ITGA1: variants seen among roughly 807,000 people sequenced by gnomAD.
ITGA1 encodes integrin alpha-1.
A neutral mutation model predicts 145.9 loss-of-function variants in ITGA1; 85 were observed. The ratio of observed to expected loss-of-function variants is 0.58; its 90% CI spans 0.49 to 0.70. The LOEUF (loss-of-function observed/expected upper bound fraction) is 0.70. Ranked by LOEUF, ITGA1 falls within the 30% of genes least tolerant of loss-of-function variation. The pLI, the probability that ITGA1 is intolerant of heterozygous loss-of-function variation, is 0.00. For missense variants in ITGA1, 1,351 were observed against 1,418.7 expected (o/e 0.95, Z 0.77); for synonymous variants, 520 against 495.3 (o/e 1.05, Z -0.66).
intron 1 of ITGA1, among the ~76,000 whole-genome samples, chr5:52,828,356 G>T (rs963934055): frequency 6.6e-6 from 1 of 152,052 alleles, no homozygotes; most frequent in Non-Finnish European, 1.5e-5. Context: ...CATTCTACTG[G>T]CTGTGAAGTG....
intron 14 of ITGA1, among the ~76,000 whole-genome samples, chr5:52,914,609 G>A (rs942767108): frequency 5.8e-5 from 8 of 136,970 alleles, no homozygotes; most frequent in Non-Finnish European, 3.3e-5. Context: ...AAAAAAAAAA[G>A]GGGGGGAAAT....
chr5:52,909,021 T>A lies in ITGA1; in HGVS notation c.1579T>A (p.Tyr527Asn). 1 of 1,613,778 alleles carries A rather than the reference T, an allele frequency of 6.2e-7. No individual in the cohort carries two copies. The highest frequency in any genetic ancestry group is 8.5e-7 in the Non-Finnish European group (1 of 1,179,802). ...AGAGAAGGAGGAGCAAGGAAAAGTG[T>A]ATGTGTATGCTCTCAATCAGGTAAT... is the stretch of plus-strand genomic sequence containing the variant. ...GTEKEEQGKV[Y>N]VYALNQTRFE... Residue 527 changes from tyrosine (Y) to asparagine (N), a missense_variant, in exon 13 of 29, where the codon TAT becomes AAT. Transcript: ENST00000282588.
chr5:52,818,492 T>A (rs1200069928), intron 1 of ITGA1, among the ~76,000 whole-genome samples: 4 of 152,230 alleles, frequency 2.6e-5, no homozygotes, highest in African/African-American at 7.2e-5. Flanking sequence ...TGAGCCATTG[T>A]GTTATAAGGA....
At chr5:52,860,961 T>C (rs1749588523) in intron 2 of ITGA1, among the ~76,000 whole-genome samples, 1 of 152,232 alleles carries the variant, frequency 6.6e-6, no homozygotes, top group South Asian at 2.1e-4. Context: ...AATGTTTATA[T>C]TTCCTGACTT....
chr5:52,947,462 G>A lies in ITGA1; in HGVS notation c.3495+1G>A. The A allele has an allele frequency of 6.3e-7, 1 of 1,588,542 alleles. No individual in the cohort carries two copies. Among genetic ancestry groups the A allele is most frequent in the Non-Finnish European group, 8.6e-7 (1 of 1,156,928 alleles). Reference sequence around the variant, plus strand: ...GCTGCTCATTTTAGCACTGTGGAAGGTAAACACCAAAATTCCTTTGACTCT... The same window carrying A: ...GCTGCTCATTTTAGCACTGTGGAAGATAAACACCAAAATTCCTTTGACTCT... On this transcript the variant is annotated splice_donor_variant, in intron 28 of 28. Coordinates refer to ENST00000282588, the MANE Select transcript of ITGA1 (RefSeq NM_181501.2). LOFTEE classifies it high-confidence loss of function.
intron 28 of ITGA1, among the ~76,000 whole-genome samples, chr5:52,951,871 G>A (rs182870702): frequency 6.6e-6 from 1 of 152,266 alleles, no homozygotes; most frequent in Non-Finnish European, 1.5e-5. Flanking sequence ...TAGGGGTCAT[G>A]GTGTATTTAA....
chr5:52,925,452 C>T lies in ITGA1; in HGVS notation c.2578C>T (p.His860Tyr). The change falls in exon 19 of 29, where the codon CAT (histidine) becomes TAT (tyrosine). Residue 860 changes from histidine to tyrosine, a missense_variant. Physicochemically the swap from His to Tyr is moderately conservative, Grantham distance 83. Transcript: ENST00000282588. ...TGCCTATAACACCAGGACAATAGTG[C>T]ATTATTCTCCAAATCTAGTTTTTTC... is the stretch of plus-strand genomic sequence containing the variant. ...DSAYNTRTIV[H>Y]YSPNLVFSGI... The T allele has an allele frequency of 1.2e-6, 2 of 1,613,668 alleles. No individual in the cohort carries two copies. The highest frequency in any genetic ancestry group is 2.7e-5 in the African/African-American group (2 of 75,038).
intron 21 of ITGA1, chr5:52,931,156 G>A (rs953500812): frequency 2.6e-5 from 4 of 152,206 alleles, no homozygotes; most frequent in Non-Finnish European, 5.9e-5. Flanking sequence ...TGGTCAGTTG[G>A]TGGAGGGGTA....
At chr5:52,847,570 T>G (rs993260154) in intron 1 of ITGA1, among the ~76,000 whole-genome samples, 2 of 152,180 alleles carry the variant, frequency 1.3e-5, no homozygotes, top group African/African-American at 4.8e-5. Context: ...GTTTGGTTTG[T>G]TTGAGACAGT....
chr5:52,834,733 G>C (rs567567459), intron 1 of ITGA1, among the ~76,000 whole-genome samples: 3 of 151,738 alleles, frequency 2.0e-5, no homozygotes, highest in Admixed American at 2.0e-4. Flanking sequence ...GAAAGAGAGA[G>C]AGAGATCTGG....
At chr5:52,834,612 G>A (rs1265271163) in intron 1 of ITGA1, among the ~76,000 whole-genome samples, 1 of 148,206 alleles carries the variant, frequency 6.7e-6, no homozygotes, top group African/African-American at 2.5e-5. Context: ...GAGAGAGAAA[G>A]AAGAAAGAAA....
At chr5:52,857,328 C>G (rs1036494342) in intron 2 of ITGA1, among the ~76,000 whole-genome samples, 3 of 152,252 alleles carry the variant, frequency 2.0e-5, no homozygotes, top group Admixed American at 2.0e-4. Flanking sequence ...CCCTGTCTAC[C>G]TGCTCAGAGA....
intron 7 of ITGA1, among the ~76,000 whole-genome samples, chr5:52,886,928 G>A (rs113651971): frequency 0.011 from 1,602 of 152,154 alleles, 30 homozygotes; most frequent in African/African-American, 0.036. Context: ...ACAGGCGCCC[G>A]CCACCGCACC....
intron 2 of ITGA1, among the ~76,000 whole-genome samples, chr5:52,856,052 C>A (rs527684920): frequency 1.1e-4 from 16 of 152,222 alleles, no homozygotes; most frequent in African/African-American, 3.9e-4. Context: ...GGTCAGTTTC[C>A]AATTATCACC....
intron 1 of ITGA1, among the ~76,000 whole-genome samples, chr5:52,798,507 G>A (rs1748390197): frequency 6.6e-6 from 1 of 152,180 alleles, no homozygotes; most frequent in Admixed American, 6.5e-5. Flanking sequence ...AATTAAGGAC[G>A]TGCGCGGGGA....
chr5:52,875,853 T>C (rs1053430467), intron 6 of ITGA1, among the ~76,000 whole-genome samples: 4 of 152,212 alleles, frequency 2.6e-5, no homozygotes, highest in African/African-American at 9.7e-5. Flanking sequence ...CCCAACGTAA[T>C]TGGCTACTTC....
At chr5:52,837,467 A>C (rs1749177897) in intron 1 of ITGA1, among the ~76,000 whole-genome samples, 1 of 152,150 alleles carries the variant, frequency 6.6e-6, no homozygotes, top group Non-Finnish European at 1.5e-5. Context: ...CCCTCTAAAA[A>C]CATATAAAGT....
intron 1 of ITGA1, among the ~76,000 whole-genome samples, chr5:52,833,352 A>G (rs1028391224): frequency 2.6e-5 from 4 of 152,190 alleles, no homozygotes; most frequent in Admixed American, 6.5e-5. Context: ...AACCAAGCCT[A>G]ATGCAACTTA....
At chr5:52,914,589 T>C (rs1750613758) in intron 14 of ITGA1, among the ~76,000 whole-genome samples, 1 of 137,734 alleles carries the variant, frequency 7.3e-6, no homozygotes, top group Non-Finnish European at 1.6e-5. Context: ...TGAGCCGAGA[T>C]AGCGTCTCAA....
Sources: gnomAD v4.1 joint callset for allele counts (sites outside exome capture counted in the v4.1 genomes callset) on GRCh38, gnomAD v4.1.1 for gene constraint, MANE v1.5 for transcripts, NCBI Gene and HGNC (gene_info 2026-07-23, HGNC 2026-07-21) for gene names.